Variants in ADPRHL1 observed in about 807,000 individuals in gnomAD.
The protein encoded by ADPRHL1 is inactive ADP-ribosyltransferase ARH2.
In ADPRHL1, 43 loss-of-function variants were observed where a neutral mutation model predicts 44.1. The observed-to-expected ratio is 0.98, with a 90% CI of 0.76 to 1.26. The LOEUF (loss-of-function observed/expected upper bound fraction) is 1.26. Ranked by LOEUF, ADPRHL1 falls within the 50% of genes most tolerant of loss-of-function variation. The pLI is 0.00. For synonymous variants in ADPRHL1, 878 were observed against 1,017.4 expected (o/e 0.86, Z 2.61); for missense variants, 2,022 against 2,496.9 (o/e 0.81, Z 4.05).
At chr13:113,446,518 T>C (rs2044139008) in intron 1 of ADPRHL1, among the ~76,000 whole-genome samples, 1 of 150,132 alleles carries the variant, frequency 6.7e-6, no homozygotes, top group African/African-American at 2.5e-5. Flanking sequence ...TGTTGTCATA[T>C]GGGCACGGCG....
At chr13:113,424,463 C>A (rs2043948798) in intron 5 of ADPRHL1, 114 bp from the exon 6 acceptor site, 1 of 1,438,992 alleles carries the variant, frequency 6.9e-7, no homozygotes. Context: ...TCCATCCACC[C>A]TTTTCTTTTT....
At chr13:113,435,174 CTGTGA>C (rs1376919896) in intron 2 of ADPRHL1, among the ~76,000 whole-genome samples, 5 of 44,154 alleles carry the variant, frequency 1.1e-4, no homozygotes, top group East Asian at 6.7e-4. Flanking sequence ...TAGGTGTACC[CTGTGA>C]CCCAGCACCG....
At chr13:113,427,262 T>A (rs2043974330) in intron 4 of ADPRHL1, among the ~76,000 whole-genome samples, 1 of 152,234 alleles carries the variant, frequency 6.6e-6, no homozygotes, top group African/African-American at 2.4e-5. Context: ...AGAACATTCG[T>A]TAATATACTG....
rs375569711 is a variant in ADPRHL1 at position 113,423,303 on chromosome 13, C to T, written c.908-324G>A. Among the ~76,000 whole-genome samples the T allele has an allele frequency of 6.6e-5, 10 of 152,168 alleles. No homozygotes were observed. The East Asian group carries it at 1.7e-3, about 26-fold the overall frequency. ...AAAACAAACAGGAGGGGGACAGGCG[C>T]TTCCCTTCTCCCTCCCTGGGGCAGG... On this transcript the variant is annotated intron_variant, in intron 6 of 7. Coordinates refer to ENST00000612156, the MANE Select transcript of ADPRHL1 (RefSeq NM_001394807.1).
At chr13:113,437,062 C>T (rs61968982) in intron 2 of ADPRHL1, among the ~76,000 whole-genome samples, 16,477 of 90,470 alleles carry the variant, frequency 0.18, 3,333 homozygotes, top group Non-Finnish European at 0.19. Context: ...CATAGGTGTA[C>T]CCCGGGACCC....
At chr13:113,449,639 C>T (rs1377564951) in intron 1 of ADPRHL1, among the ~76,000 whole-genome samples, 1 of 152,258 alleles carries the variant, frequency 6.6e-6, no homozygotes, top group African/African-American at 2.4e-5. Flanking sequence ...GACCCTCAGA[C>T]CTGTGCTCAC....
At chr13:113,435,408 A>G (rs1398055025) in intron 2 of ADPRHL1, among the ~76,000 whole-genome samples, 10 of 132,960 alleles carry the variant, frequency 7.5e-5, no homozygotes, top group African/African-American at 9.0e-5. Context: ...CCAGGTGTAG[A>G]GTGAACACAG....
intron 7 of ADPRHL1, among the ~76,000 whole-genome samples, chr13:113,412,240 C>T (rs1468344224): frequency 5.9e-5 from 9 of 152,182 alleles, no homozygotes; most frequent in Admixed American, 3.3e-4. Flanking sequence ...TGCAGTGGCG[C>T]GATCTCGACT....
intron 1 of ADPRHL1, among the ~76,000 whole-genome samples, chr13:113,450,518 G>C (rs1183991572): frequency 6.6e-6 from 1 of 152,096 alleles, no homozygotes; most frequent in Non-Finnish European, 1.5e-5. Flanking sequence ...TAGTGGCCCC[G>C]AATGTCTGGC....
At chr13:113,421,119 C>T (rs1427182217) in intron 7 of ADPRHL1, among the ~76,000 whole-genome samples, 2 of 144,858 alleles carry the variant, frequency 1.4e-5, no homozygotes, top group Non-Finnish European at 1.5e-5. Context: ...TGCCTATCCC[C>T]AGGACAGACC....
At chr13:113,437,233 C>T (rs566611831) in intron 2 of ADPRHL1, among the ~76,000 whole-genome samples, 5 of 148,186 alleles carry the variant, frequency 3.4e-5, no homozygotes, top group South Asian at 2.2e-4. Context: ...AGGTGTACCC[C>T]GGGACCCGGC....
intron 7 of ADPRHL1, among the ~76,000 whole-genome samples, chr13:113,416,726 T>C (rs968831281): frequency 6.6e-6 from 1 of 152,234 alleles, no homozygotes; most frequent in African/African-American, 2.4e-5. Context: ...GATGCTGTTA[T>C]GTTGGATAAT....
At chr13:113,418,432 G>A (rs1045073041) in intron 7 of ADPRHL1, among the ~76,000 whole-genome samples, 4 of 152,152 alleles carry the variant, frequency 2.6e-5, no homozygotes, top group Non-Finnish European at 5.9e-5. Flanking sequence ...TTCCTCCAAC[G>A]TGGGAAAGGA....
In ADPRHL1 at chr13:113,409,716, C is replaced by G. The variant is rs1472807258; in HGVS notation, c.1062-1496G>C. The G allele has an allele frequency of 8.4e-6, 6 of 714,686 alleles. No homozygotes were observed. Among genetic ancestry groups the G allele is most frequent in the African/African-American group, 1.9e-5 (1 of 51,800 alleles). 44.3% of individuals were successfully genotyped at this position (714,686 alleles called of 1,614,324 possible). ...CCTGGATAACACGGTGAAACCCCGT[C>G]TCTACTAAAGATATAAAAAAAAATC... On this transcript the variant is annotated intron_variant, in intron 7 of 7. Transcript: ENST00000612156. This position sits in a 1 kb window ranked among gnomAD's most constrained non-coding sequence, Gnocchi z 4.2.
At chr13:113,443,377 G>A (rs2044112442) in intron 2 of ADPRHL1, among the ~76,000 whole-genome samples, 1 of 151,988 alleles carries the variant, frequency 6.6e-6, no homozygotes, top group Non-Finnish European at 1.5e-5. Flanking sequence ...GGAGACTGAG[G>A]TGGGCAGATC....
chr13:113,429,878 C>T (rs1434695456), intron 3 of ADPRHL1, among the ~76,000 whole-genome samples: 1 of 152,236 alleles, frequency 6.6e-6, no homozygotes, highest in Non-Finnish European at 1.5e-5. Context: ...GGCACTGCCT[C>T]CCTTATTTTC....
chr13:113,432,961 C>A (rs1419057865), intron 3 of ADPRHL1, among the ~76,000 whole-genome samples: 2 of 152,236 alleles, frequency 1.3e-5, no homozygotes, highest in Non-Finnish European at 1.5e-5. Flanking sequence ...TCAGGCGCTA[C>A]CGCAGCCACC....
chr13:113,420,157 G>A (rs1327556869), intron 7 of ADPRHL1, among the ~76,000 whole-genome samples: 7 of 152,166 alleles, frequency 4.6e-5, no homozygotes, highest in African/African-American at 1.2e-4. Context: ...TGCCGGTGCC[G>A]TTTTAAACAG....
At position 113,453,275 on chromosome 13, in the gene ADPRHL1, C is replaced by G; in HGVS notation, c.163G>C (p.Val55Leu). 1 of 1,614,168 alleles carries G rather than the reference C, an allele frequency of 6.2e-7. No homozygotes were observed. Among genetic ancestry groups the G allele is most frequent in the Non-Finnish European group, 8.5e-7 (1 of 1,180,038 alleles). ...HLVLSPGEWPVSDNTIMHIAT... is the reference protein window; with the variant it reads ...HLVLSPGEWPLSDNTIMHIAT... ...ATGTGCATGATGGTGTTGTCACTCA[C>G]GGGCCATTCTCCTGGCGAGAGTACG... Residue 55 changes from valine to leucine, a missense_variant, in exon 1 of 8, where the codon GTG becomes CTG. Around this residue, in one of 8 missense-constraint regions of ADPRHL1, gnomAD observed 437 missense variants for 430.7 expected, o/e 1.01. Coordinates refer to ENST00000612156, the MANE Select transcript of ADPRHL1 (RefSeq NM_001394807.1). This position sits in a 1 kb window ranked among gnomAD's most constrained non-coding sequence, Gnocchi z 5.4.
Sources: allele counts gnomAD v4.1 joint callset (sites outside exome capture counted in the v4.1 genomes callset), GRCh38; gene constraint gnomAD v4.1.1; regional missense constraint gnomAD v4.1.1; non-coding constraint Gnocchi (gnomAD v3.1); transcripts MANE v1.5; gene names NCBI Gene and HGNC (gene_info 2026-07-23, HGNC 2026-07-21).